Variants in RAB11FIP4 observed in about 807,000 individuals in gnomAD.
RAB11FIP4 encodes the protein RAB11 family interacting protein 4.
In RAB11FIP4, 23 loss-of-function variants were observed where a neutral mutation model predicts 74.3. The ratio of observed to expected loss-of-function variants is 0.31; its 90% CI spans 0.22 to 0.44. The LOEUF (loss-of-function observed/expected upper bound fraction) is 0.44. Ranked by LOEUF, RAB11FIP4 falls within the 20% of genes least tolerant of loss-of-function variation. The probability of loss-of-function intolerance (pLI) is 1.00; values close to 1 mark genes in which losing one functional copy is unlikely to be tolerated. For synonymous variants in RAB11FIP4, 360 were observed against 359.9 expected (o/e 1.00, Z 0.00); for missense variants, 630 against 863.9 (o/e 0.73, Z 3.39).
At chr17:31,509,736 C>T (rs564924346) in intron 3 of RAB11FIP4, among the ~76,000 whole-genome samples, 1 of 152,306 alleles carries the variant, frequency 6.6e-6, no homozygotes, top group Non-Finnish European at 1.5e-5. Context: ...CCGGGGCTGG[C>T]TGAGGTGTGG....
chr17:31,496,255 GC>G (rs2072113991), intron 3 of RAB11FIP4, among the ~76,000 whole-genome samples: 1 of 152,244 alleles, frequency 6.6e-6, no homozygotes, highest in Admixed American at 6.5e-5. Flanking sequence ...TGGCTCGCCA[GC>G]TGTGTGGCCT....
At chr17:31,422,206 G>T (rs1359842223) in intron 1 of RAB11FIP4, among the ~76,000 whole-genome samples, 1 of 152,242 alleles carries the variant, frequency 6.6e-6, no homozygotes, top group East Asian at 1.9e-4. Flanking sequence ...ATTATAGTTT[G>T]TTTAATCGTC....
intron 3 of RAB11FIP4, among the ~76,000 whole-genome samples, chr17:31,435,993 A>G (rs2071353545): frequency 6.6e-6 from 1 of 152,190 alleles, no homozygotes; most frequent in Non-Finnish European, 1.5e-5. Context: ...GGGGCCAGCT[A>G]ATGGAACCAG....
At chr17:31,508,848 C>G (rs1049973504) in intron 3 of RAB11FIP4, among the ~76,000 whole-genome samples, 4 of 152,150 alleles carry the variant, frequency 2.6e-5, no homozygotes, top group Non-Finnish European at 5.9e-5. Context: ...TCCTCTGACG[C>G]TGCCTTATCA....
chr17:31,425,817 G>T (rs1386381331), intron 1 of RAB11FIP4, among the ~76,000 whole-genome samples: 1 of 152,200 alleles, frequency 6.6e-6, no homozygotes, highest in East Asian at 1.9e-4. Context: ...GAGCCCCAGG[G>T]CTGCCCAGCC....
rs1597939459 is a variant in RAB11FIP4 at position 31,475,281 on chromosome 17, G to A, written c.336+41159G>A. On this transcript the variant is annotated intron_variant, in intron 3 of 14. Coordinates refer to ENST00000621161, the MANE Select transcript of RAB11FIP4 (RefSeq NM_032932.6). ...AGCAGTGCTGGAGATGAGAAGACAAGAAGAGAGGAGAGTCAGCTTAACCTG... is the reference window on the plus strand; with the variant it reads ...AGCAGTGCTGGAGATGAGAAGACAAAAAGAGAGGAGAGTCAGCTTAACCTG... 2.0e-5 allele frequency among the ~76,000 whole-genome samples: 3 copies of A among 152,252 alleles called. No individual in the cohort carries two copies. The East Asian group carries it at 5.8e-4, about 29-fold the overall frequency.
At chr17:31,466,588 CTCG>C (rs950546313) in intron 3 of RAB11FIP4, among the ~76,000 whole-genome samples, 1 of 152,194 alleles carries the variant, frequency 6.6e-6, no homozygotes, top group African/African-American at 2.4e-5. Flanking sequence ...GGCTTCTACA[CTCG>C]TCCCACATAG....
chr17:31,492,845 C>T (rs1189746893), intron 3 of RAB11FIP4, among the ~76,000 whole-genome samples: 1 of 117,794 alleles, frequency 8.5e-6, no homozygotes, highest in Non-Finnish European at 1.8e-5. Context: ...AGGAGCTGAG[C>T]CCCCCTCAAG....
At chr17:31,529,821 C>T (rs2072834726) in intron 13 of RAB11FIP4, among the ~76,000 whole-genome samples, 1 of 152,182 alleles carries the variant, frequency 6.6e-6, no homozygotes, top group Non-Finnish European at 1.5e-5. Flanking sequence ...GCCCAGGGTC[C>T]CAGGTGTGAG....
chr17:31,486,387 C>T (rs960215668), intron 3 of RAB11FIP4, among the ~76,000 whole-genome samples: 2 of 152,022 alleles, frequency 1.3e-5, no homozygotes, highest in African/African-American at 4.8e-5. Flanking sequence ...CAGGTACGTG[C>T]CACCACACCT....
intron 1 of RAB11FIP4, among the ~76,000 whole-genome samples, chr17:31,429,376 G>T (rs551409932): frequency 6.6e-6 from 1 of 152,286 alleles, no homozygotes; most frequent in African/African-American, 2.4e-5. Context: ...CAATAGACTT[G>T]GGTGTGCAAC....
intron 1 of RAB11FIP4, among the ~76,000 whole-genome samples, chr17:31,425,367 T>G (rs1227784404): frequency 6.6e-6 from 1 of 152,230 alleles, no homozygotes; most frequent in Non-Finnish European, 1.5e-5. Flanking sequence ...AGCCGGCTTA[T>G]CTCACTTGCT....
At chr17:31,508,804 G>A (rs1314836068) in intron 3 of RAB11FIP4, among the ~76,000 whole-genome samples, 1 of 152,174 alleles carries the variant, frequency 6.6e-6, no homozygotes, top group Admixed American at 6.5e-5. Context: ...CTTTCTGGGA[G>A]CCTCAGCACA....
chr17:31,506,025 A>G (rs991073814), intron 3 of RAB11FIP4, among the ~76,000 whole-genome samples: 2 of 151,990 alleles, frequency 1.3e-5, no homozygotes, highest in Non-Finnish European at 2.9e-5. Context: ...AGAGAGGTGA[A>G]TTAACAGCTC....
At chr17:31,488,039 C>A (rs2142746659) in intron 3 of RAB11FIP4, 3 of 1,014,984 alleles carry the variant, frequency 3.0e-6, no homozygotes, top group South Asian at 4.6e-5. Flanking sequence ...GTCACCGCAG[C>A]TTGATACAAA....
chr17:31,394,225 A>C (rs2070905790), intron 1 of RAB11FIP4, among the ~76,000 whole-genome samples: 1 of 152,272 alleles, frequency 6.6e-6, no homozygotes, highest in African/African-American at 2.4e-5. Flanking sequence ...CACTTCTGTC[A>C]GACCTTTCCA....
chr17:31,489,883 A>G (rs867485106), intron 3 of RAB11FIP4, among the ~76,000 whole-genome samples: 5 of 152,110 alleles, frequency 3.3e-5, no homozygotes, highest in Non-Finnish European at 7.4e-5. Flanking sequence ...GACTAAGGCC[A>G]GTAGAAGAGA....
intron 1 of RAB11FIP4, among the ~76,000 whole-genome samples, chr17:31,429,490 G>A (rs965378200): frequency 2.0e-5 from 3 of 152,148 alleles, no homozygotes; most frequent in African/African-American, 7.2e-5. Flanking sequence ...CCCAGCCAAT[G>A]AGCTGCCTCT....
In RAB11FIP4 at chr17:31,534,425, G is replaced by A. The variant is rs2072924950; in HGVS notation, c.*2693G>A. The A allele has an allele frequency of 1.3e-5, 2 of 151,994 alleles. No individual in the cohort carries two copies. Among genetic ancestry groups the A allele is most frequent in the Admixed American group, 6.6e-5 (1 of 15,258 alleles). 9.4% of individuals were successfully genotyped at this position (151,994 alleles called of 1,614,324 possible). On this transcript the variant is annotated 3_prime_UTR_variant, in exon 15 of 15. Coordinates refer to ENST00000621161, the MANE Select transcript of RAB11FIP4 (RefSeq NM_032932.6). ...TGGGACTACAGGCATGCACCACCAC[G>A]CCCAGCTAATTTTTCTTATTTTTTG... is the stretch of plus-strand genomic sequence containing the variant.
Sources: allele counts gnomAD v4.1 joint callset (sites outside exome capture counted in the v4.1 genomes callset), GRCh38; gene constraint gnomAD v4.1.1; transcripts MANE v1.5; gene names NCBI Gene and HGNC (gene_info 2026-07-23, HGNC 2026-07-21).